Variants in RBM6 observed in about 807,000 individuals in gnomAD.
The protein encoded by RBM6 is RNA-binding protein 6.
Under a neutral mutation model 140.4 loss-of-function variants are expected in RBM6, and 23 were observed. The observed-to-expected ratio is 0.16, with a 90% CI of 0.12 to 0.23. The LOEUF is 0.23. Among genes scored for constraint, RBM6 ranks in the 10% least tolerant of loss-of-function variants. RBM6 has a pLI of 1.00. For synonymous variants in RBM6, 439 were observed against 475.6 expected (o/e 0.92, Z 1.00); for missense variants, 1,139 against 1,386.7 (o/e 0.82, Z 2.84).
At chr3:49,987,150 G>A (rs547181785) in intron 5 of RBM6, among the ~76,000 whole-genome samples, 1 of 151,744 alleles carries the variant, frequency 6.6e-6, no homozygotes, top group African/African-American at 2.4e-5. Context: ...TTGGCTCACT[G>A]CAACCTCTGC....
At chr3:50,022,918 G>T (rs576314828) in intron 6 of RBM6, among the ~76,000 whole-genome samples, 1 of 152,066 alleles carries the variant, frequency 6.6e-6, no homozygotes, top group South Asian at 2.1e-4. Context: ...GGGCAATGTA[G>T]CAAAACCCCA....
chr3:50,023,134 G>A (rs1200171006), intron 6 of RBM6, among the ~76,000 whole-genome samples: 14 of 152,178 alleles, frequency 9.2e-5, no homozygotes, highest in Middle Eastern at 3.4e-3. Flanking sequence ...TTGAAAATGA[G>A]TATATTCGCT....
intron 1 of RBM6, among the ~76,000 whole-genome samples, chr3:49,947,306 T>C (rs1405304084): frequency 1.4e-5 from 2 of 147,138 alleles, no homozygotes; most frequent in Non-Finnish European, 3.0e-5. Flanking sequence ...GGTGCACACC[T>C]GTATTCCCAG....
intron 6 of RBM6, among the ~76,000 whole-genome samples, chr3:50,028,577 G>A (rs1368822362): frequency 6.6e-6 from 1 of 152,046 alleles, no homozygotes; most frequent in African/African-American, 2.4e-5. Context: ...GGTAGTTCAG[G>A]GTAATCTTAG....
At chr3:50,026,671 G>A (rs540339506) in intron 6 of RBM6, among the ~76,000 whole-genome samples, 2 of 151,802 alleles carry the variant, frequency 1.3e-5, no homozygotes, top group South Asian at 4.2e-4. Context: ...TAGGACTTTG[G>A]GAGGCCGAGG....
At position 49,959,818 on chromosome 3, in the gene RBM6, C is replaced by T. The variant is rs536751868; in HGVS notation, c.-66-2758C>T. Reference sequence around the variant, plus strand: ...AACTCCTGACCTCAAGTGATCCACACGCCTCAGCCTCCCAAAGTGCAGGGA... The same window carrying T: ...AACTCCTGACCTCAAGTGATCCACATGCCTCAGCCTCCCAAAGTGCAGGGA... On this transcript the variant is annotated intron_variant, in intron 1 of 20. Coordinates refer to ENST00000266022, the MANE Select transcript of RBM6 (RefSeq NM_005777.3). Among the ~76,000 whole-genome samples the T allele has an allele frequency of 2.2e-4, 33 of 152,136 alleles. No individual in the cohort carries two copies. The South Asian group carries it at 5.6e-3, about 26-fold the overall frequency.
chr3:49,977,762 T>C (rs1465742848), intron 5 of RBM6, among the ~76,000 whole-genome samples: 1 of 152,214 alleles, frequency 6.6e-6, no homozygotes, highest in Non-Finnish European at 1.5e-5. Context: ...TACATATCTG[T>C]TGAAGAATAT....
chr3:49,943,925 G>A (rs1366955110), intron 1 of RBM6, among the ~76,000 whole-genome samples: 5 of 152,096 alleles, frequency 3.3e-5, no homozygotes, highest in Non-Finnish European at 7.3e-5. Context: ...GTGTGTATAT[G>A]TGGTTTTTTA....
At chr3:50,054,178 G>T in intron 7 of RBM6, 157 bp from the exon 8 acceptor site, 2 of 639,098 alleles carry the variant, frequency 3.1e-6, no homozygotes, top group Non-Finnish European at 5.5e-6. Flanking sequence ...CCATCTGCCA[G>T]CTCTAATCAG....
intron 6 of RBM6, among the ~76,000 whole-genome samples, chr3:50,034,970 TTCTCCTCTCC>T (rs903450029): frequency 2.1e-5 from 3 of 144,974 alleles, no homozygotes; most frequent in African/African-American, 7.6e-5. Context: ...CTGTTTCTCT[TTCTCCTCTCC>T]TCTCCTCTCC....
intron 6 of RBM6, among the ~76,000 whole-genome samples, chr3:50,012,738 CTT>C (rs1354297345): frequency 1.5e-3 from 187 of 120,836 alleles, no homozygotes; most frequent in African/African-American, 6.1e-3. Flanking sequence ...TAGATTCTAC[CTT>C]TTTTTTTTTT....
intron 6 of RBM6, among the ~76,000 whole-genome samples, chr3:50,012,173 A>G (rs772730090): frequency 4.0e-5 from 6 of 151,566 alleles, no homozygotes; most frequent in East Asian, 1.9e-4. Context: ...CATTACCTCA[A>G]TCGGATCCCC....
At chr3:49,989,608 TTG>T (rs1430060896) in intron 5 of RBM6, among the ~76,000 whole-genome samples, 1 of 152,022 alleles carries the variant, frequency 6.6e-6, no homozygotes, top group African/African-American at 2.4e-5. Context: ...ATAATAATAT[TTG>T]TGTAAGTACA....
In RBM6 at chr3:50,048,135, C is replaced by G; in HGVS notation, c.1558-110C>G. 2.0e-6 allele frequency: 3 copies of G among 1,496,580 alleles called. No individual in the cohort carries two copies. In the South Asian group the frequency reaches 4.0e-5, roughly 20 times the overall value. The allele number at this position is 1,496,580 out of a possible 1,614,324, so 92.7% of individuals were successfully genotyped here. A position where few individuals can be genotyped will look rare whatever the true frequency, so the allele number is the denominator to read the frequency against. The stretch of plus-strand genomic sequence containing the variant: ...TCCTTTCACCAGTGAATTAAGCTCA[C>G]TCTTTATAAAATGTTTCAGCTTGGG... On this transcript the variant is annotated intron_variant, in intron 6 of 20. Coordinates refer to ENST00000266022, the MANE Select transcript of RBM6 (RefSeq NM_005777.3).
At chr3:50,069,102 G>A (rs1206629398) in intron 18 of RBM6, among the ~76,000 whole-genome samples, 1 of 152,140 alleles carries the variant, frequency 6.6e-6, no homozygotes, top group Non-Finnish European at 1.5e-5. Context: ...TACTATTAAA[G>A]GCTAAGCTGG....
chr3:49,992,492 T>C (rs370249843), intron 5 of RBM6, among the ~76,000 whole-genome samples: 3 of 152,308 alleles, frequency 2.0e-5, no homozygotes, highest in Admixed American at 1.3e-4. Flanking sequence ...AGCTGTCTGA[T>C]CTTTGATCTC....
chr3:49,945,658 G>A (rs563933274), intron 1 of RBM6, among the ~76,000 whole-genome samples: 2 of 152,082 alleles, frequency 1.3e-5, no homozygotes, highest in South Asian at 2.1e-4. Flanking sequence ...TGAGGCAGGC[G>A]GATCACAAGG....
intron 6 of RBM6, among the ~76,000 whole-genome samples, chr3:50,040,680 T>C (rs1273430019): frequency 2.0e-5 from 3 of 150,916 alleles, no homozygotes; most frequent in African/African-American, 7.3e-5. Context: ...TTTTTGAGAT[T>C]GGGTCTTACT....
chr3:50,033,125 A>G (rs2088281145), intron 6 of RBM6, among the ~76,000 whole-genome samples: 1 of 151,660 alleles, frequency 6.6e-6, no homozygotes, highest in African/African-American at 2.4e-5. Context: ...GGAGAAACCC[A>G]GTCTCTACTA....
Sources: gnomAD v4.1 joint callset for allele counts (sites outside exome capture counted in the v4.1 genomes callset) on GRCh38, gnomAD v4.1.1 for gene constraint, MANE v1.5 for transcripts, NCBI Gene and HGNC (gene_info 2026-07-23, HGNC 2026-07-21) for gene names.